Variants in IMMP2L observed in about 807,000 individuals in gnomAD.
IMMP2L encodes the protein inner mitochondrial membrane peptidase subunit 2.
A neutral mutation model predicts 19.3 loss-of-function variants in IMMP2L; 18 were observed. The ratio of observed to expected loss-of-function variants is 0.93; its 90% CI spans 0.64 to 1.38. The LOEUF (loss-of-function observed/expected upper bound fraction) is 1.38. Ranked by LOEUF, IMMP2L falls within the 40% of genes most tolerant of loss-of-function variation. The pLI is 0.00. For missense variants in IMMP2L, 233 were observed against 218.2 expected, an observed-to-expected ratio of 1.07 and a Z score of -0.43; for synonymous variants, 76 against 73.0, an observed-to-expected ratio of 1.04 and a Z score of -0.21.
intron 3 of IMMP2L, among the ~76,000 whole-genome samples, chr7:111,041,219 C>T (rs889648910): frequency 1.3e-5 from 2 of 151,636 alleles, no homozygotes; most frequent in Middle Eastern, 3.2e-3. Flanking sequence ...TAAGTGCCTA[C>T]AAGGTAAAAT....
At chr7:110,933,393 A>G (rs1815720187) in intron 4 of IMMP2L, among the ~76,000 whole-genome samples, 1 of 152,198 alleles carries the variant, frequency 6.6e-6, no homozygotes, top group Admixed American at 6.5e-5. Context: ...TTCTTTAAAG[A>G]AACCATCTCT....
intron 5 of IMMP2L, among the ~76,000 whole-genome samples, chr7:110,834,200 T>C (rs1313533700): frequency 1.3e-5 from 2 of 152,150 alleles, no homozygotes; most frequent in Non-Finnish European, 2.9e-5. Flanking sequence ...TTAAATGTAG[T>C]TTTAAAACTG....
intron 3 of IMMP2L, among the ~76,000 whole-genome samples, chr7:111,272,033 C>A (rs1381713461): frequency 6.6e-6 from 1 of 152,118 alleles, no homozygotes; most frequent in Non-Finnish European, 1.5e-5. Flanking sequence ...CTACTTTTTC[C>A]CCACCCGATC....
At chr7:111,444,351 G>A (rs1324856591) in intron 3 of IMMP2L, among the ~76,000 whole-genome samples, 1 of 152,116 alleles carries the variant, frequency 6.6e-6, no homozygotes, top group Non-Finnish European at 1.5e-5. Context: ...GCTCTTTCTA[G>A]AGTAAGACTG....
intron 3 of IMMP2L, among the ~76,000 whole-genome samples, chr7:111,222,634 T>C (rs1812642777): frequency 6.6e-6 from 1 of 152,008 alleles, no homozygotes; most frequent in Non-Finnish European, 1.5e-5. Context: ...TATTTGGATA[T>C]ATTAAAATTT....
intron 4 of IMMP2L, among the ~76,000 whole-genome samples, chr7:110,899,860 A>T (rs1811689438): frequency 6.6e-6 from 1 of 152,142 alleles, no homozygotes; most frequent in African/African-American, 2.4e-5. Flanking sequence ...AACTTTGAAT[A>T]TTTTTGTTTA....
chr7:111,155,861 C>T (rs1804590572), intron 3 of IMMP2L, among the ~76,000 whole-genome samples: 1 of 152,090 alleles, frequency 6.6e-6, no homozygotes, highest in South Asian at 2.1e-4. Flanking sequence ...TTCCCTTACA[C>T]CCCATCCCAG....
chr7:111,215,304 T>G (rs1230742179), intron 3 of IMMP2L, among the ~76,000 whole-genome samples: 1 of 152,188 alleles, frequency 6.6e-6, no homozygotes, highest in Non-Finnish European at 1.5e-5. Flanking sequence ...AAGAAGTGTC[T>G]TACTCAGAAT....
intron 1 of IMMP2L, among the ~76,000 whole-genome samples, chr7:111,539,139 G>C (rs1445520488): frequency 6.2e-5 from 2 of 32,428 alleles, no homozygotes; most frequent in African/African-American, 3.4e-4. Context: ...AGAAAAGGAA[G>C]GAAGGAAGGA....
At chr7:111,092,737 G>A (rs1796999965) in intron 3 of IMMP2L, among the ~76,000 whole-genome samples, 1 of 152,142 alleles carries the variant, frequency 6.6e-6, no homozygotes, top group African/African-American at 2.4e-5. Flanking sequence ...CAGCTACTTA[G>A]AATATGCTTT....
At chr7:111,084,899 A>G (rs1796182747) in intron 3 of IMMP2L, among the ~76,000 whole-genome samples, 1 of 152,212 alleles carries the variant, frequency 6.6e-6, no homozygotes. Flanking sequence ...ATGAGGGTTC[A>G]GGATTAAAGG....
chr7:111,370,309 G>T (rs2131094130), intron 3 of IMMP2L, among the ~76,000 whole-genome samples: 1 of 150,744 alleles, frequency 6.6e-6, no homozygotes, highest in African/African-American at 2.4e-5. Context: ...GTAATAACAT[G>T]AATCTACACC....
At chr7:111,012,449 C>A (rs982296827) in intron 3 of IMMP2L, among the ~76,000 whole-genome samples, 36 of 152,002 alleles carry the variant, frequency 2.4e-4, no homozygotes, top group African/African-American at 8.5e-4. Flanking sequence ...GCATTCAGTT[C>A]CTCTACATTA....
chr7:110,872,177 A>G (rs943144864), intron 5 of IMMP2L, among the ~76,000 whole-genome samples: 8 of 152,178 alleles, frequency 5.3e-5, no homozygotes, highest in African/African-American at 1.9e-4. Flanking sequence ...CTTAGTCTTA[A>G]AACAGAATAT....
chr7:110,912,908 C>G (rs911044599), intron 4 of IMMP2L, among the ~76,000 whole-genome samples: 3 of 151,874 alleles, frequency 2.0e-5, no homozygotes, highest in Non-Finnish European at 4.4e-5. Flanking sequence ...ACTACAACTT[C>G]CAGTATGCAG....
intron 3 of IMMP2L, among the ~76,000 whole-genome samples, chr7:111,071,857 T>C (rs1008468495): frequency 1.1e-4 from 16 of 152,188 alleles, no homozygotes; most frequent in African/African-American, 3.9e-4. Context: ...AATTTATACA[T>C]TGTACATTTA....
chr7:111,529,124 C>A (rs1847156228), intron 1 of IMMP2L, among the ~76,000 whole-genome samples: 1 of 152,160 alleles, frequency 6.6e-6, no homozygotes, highest in South Asian at 2.1e-4. Context: ...TTGACCAAGC[C>A]ATACTTCCTC....
At chr7:111,124,691 T>C in intron 3 of IMMP2L, 2 of 1,613,942 alleles carry the variant, frequency 1.2e-6, no homozygotes, top group South Asian at 1.1e-5. Context: ...CTGGGGATTA[T>C]TGGTGTGATA....
intron 3 of IMMP2L, among the ~76,000 whole-genome samples, chr7:111,182,319 G>A (rs17441046): frequency 3.3e-4 from 50 of 151,932 alleles, no homozygotes; most frequent in African/African-American, 1.2e-3. Flanking sequence ...TTACCTTCAG[G>A]TATTTACCAC....
Sources: gnomAD v4.1 joint callset for allele counts (sites outside exome capture counted in the v4.1 genomes callset) on GRCh38, gnomAD v4.1.1 for gene constraint, MANE v1.5 for transcripts, NCBI Gene and HGNC (gene_info 2026-07-23, HGNC 2026-07-21) for gene names.